CFAP46: variants seen among roughly 807,000 people sequenced by gnomAD.
The protein encoded by CFAP46 is cilia- and flagella-associated protein 46.
Under a neutral mutation model 325.7 loss-of-function variants are expected in CFAP46, and 245 were observed. The observed-to-expected ratio is 0.75, with a 90% CI of 0.68 to 0.84. CFAP46 has a LOEUF of 0.84. Among genes scored for constraint, CFAP46 ranks in the 40% least tolerant of loss-of-function variants. The pLI is 0.00. For missense variants in CFAP46, 3,346 were observed against 3,543.0 expected (o/e 0.94, Z 1.41); for synonymous variants, 1,523 against 1,495.9 (o/e 1.02, Z -0.42).
At chr10:132,854,224 A>C (rs1450025283) in intron 39 of CFAP46, among the ~76,000 whole-genome samples, 7 of 152,184 alleles carry the variant, frequency 4.6e-5, no homozygotes, top group Admixed American at 4.6e-4. Flanking sequence ...CTTCAGTTCA[A>C]AATACTTTCC....
chr10:132,872,700 C>G lies in CFAP46; in HGVS notation c.4487G>C (p.Gly1496Ala), dbSNP rs1298329559. 88 of 1,550,548 alleles carry G rather than the reference C, an allele frequency of 5.7e-5. 1 individual carries two copies. The East Asian group carries it at 2.1e-3, about 38-fold the overall frequency. ...CCGAAGGTGGTAGAGATCCGACAGG[C>G]CCTTGCTTCCCACCACGGAGTCCGA... ...LISDSVVGSK[G>A]LSDLYHLRLA... The change falls in exon 32 of 58, where the codon GGC becomes GCC. Residue 1496 changes from glycine (G) to alanine (A), a missense_variant. Gly to Ala is a moderately conservative substitution (Grantham distance 60). Transcript: ENST00000368586.
In CFAP46 at chr10:132,885,185, C is replaced by T. The variant is rs1045769186; in HGVS notation, c.3545G>A (p.Arg1182His). The change falls in exon 27 of 58, where the codon CGC (arginine) becomes CAC (histidine). Residue 1182 changes from arginine (R) to histidine (H), a missense_variant. Arg to His is a conservative substitution (Grantham distance 29). Coordinates refer to ENST00000368586, the MANE Select transcript of CFAP46 (RefSeq NM_001200049.3). ...GTTCAGGGCCAGGCGGTGCCACATGCGCGCCAAGTAGTCCTCACTCTCGGC... is the reference window on the plus strand; with the variant it reads ...GTTCAGGGCCAGGCGGTGCCACATGTGCGCCAAGTAGTCCTCACTCTCGGC... ...FKAESEDYLA[R>H]MWHRLALNSP... 17 of 1,550,378 alleles carry T rather than the reference C, an allele frequency of 1.1e-5. No homozygotes were observed. The highest frequency in any genetic ancestry group is 3.4e-4 in the Middle Eastern group (2 of 5,934).
intron 7 of CFAP46, among the ~76,000 whole-genome samples, chr10:132,935,653 GC>G (rs1849987902): frequency 8.2e-6 from 1 of 121,808 alleles, no homozygotes; most frequent in African/African-American, 3.4e-5. Flanking sequence ...ACTCCCCTCA[GC>G]ACCCAAACAC....
In CFAP46 at chr10:132,886,727, T is replaced by C. The variant is rs559364828; in HGVS notation, c.3305-768A>G. ...GCCACCTTCCGGCCAAGAGTCCTTTTACCTCAAGGATTCCAAGAGCCCCGG... is the reference window on the plus strand; with the variant it reads ...GCCACCTTCCGGCCAAGAGTCCTTTCACCTCAAGGATTCCAAGAGCCCCGG... On this transcript the variant is annotated intron_variant, in intron 25 of 57. Transcript: ENST00000368586. This position sits in a 1 kb window ranked among gnomAD's most constrained non-coding sequence, Gnocchi z 5.8. 2.0e-5 allele frequency among the ~76,000 whole-genome samples: 3 copies of C among 152,264 alleles called. No individual in the cohort carries two copies. The East Asian group carries it at 5.8e-4, about 29-fold the overall frequency.
chr10:132,938,848 CAGG>C, intron 4 of CFAP46, 95 bp from the exon 5 acceptor site: 1 of 1,198,944 alleles, frequency 8.3e-7, no homozygotes, highest in South Asian at 1.4e-5. Flanking sequence ...GAGCCCCTCC[CAGG>C]AGGGGCCTCA....
chr10:132,902,591 G>A (rs1426889001), intron 22 of CFAP46, among the ~76,000 whole-genome samples: 1 of 152,110 alleles, frequency 6.6e-6, no homozygotes, highest in Non-Finnish European at 1.5e-5. Flanking sequence ...CTCCTCATCT[G>A]CTCATGTCAA....
rs117761320 is a variant in CFAP46 at position 132,889,760 on chromosome 10, G to A, written c.3304+2573C>T. On this transcript the variant is annotated intron_variant, in intron 25 of 57. Coordinates refer to ENST00000368586, the MANE Select transcript of CFAP46 (RefSeq NM_001200049.3). This position sits in a 1 kb window ranked among gnomAD's most constrained non-coding sequence, Gnocchi z 6.0. ...AGGCCGTCAGCTCCATGGTGCCTCC[G>A]GGTGGGTGAGGGCCGTGGACTGTGC... 0.019 allele frequency among the ~76,000 whole-genome samples: 2,866 copies of A among 152,294 alleles called. 47 individuals are homozygous for A. Among genetic ancestry groups the A allele is most frequent in the Non-Finnish European group, 0.031 (2,085 of 68,016 alleles).
At position 132,828,850 on chromosome 10, in the gene CFAP46, C is replaced by T. The variant is rs1273097922; in HGVS notation, c.7117+4508G>A. 2.0e-5 allele frequency among the ~76,000 whole-genome samples: 3 copies of T among 152,104 alleles called. No homozygotes were observed. Among genetic ancestry groups the T allele is most frequent in the Non-Finnish European group, 2.9e-5 (2 of 68,034 alleles). The stretch of plus-strand genomic sequence containing the variant: ...ATGGAGATGCCCTTCCTCCGCTCAG[C>T]GTCCTCGTCCCTTTGCCAGCCACCA... On this transcript the variant is annotated intron_variant, in intron 50 of 57. Coordinates refer to ENST00000368586, the MANE Select transcript of CFAP46 (RefSeq NM_001200049.3). The surrounding 1 kb of genome is among the most constrained non-coding windows in gnomAD (Gnocchi z 4.9).
At chr10:132,822,155 CTGTGTGCTG>C (rs1591034051) in intron 50 of CFAP46, among the ~76,000 whole-genome samples, 1 of 113,830 alleles carries the variant, frequency 8.8e-6, no homozygotes, top group Non-Finnish European at 1.7e-5. Flanking sequence ...CTGATGTGTG[CTGTGTGCTG>C]TGTGTGCTGA....
chr10:132,922,931 G>A (rs1346668447), intron 11 of CFAP46, among the ~76,000 whole-genome samples: 1 of 152,230 alleles, frequency 6.6e-6, no homozygotes, highest in African/African-American at 2.4e-5. Context: ...CAGAGGCCTC[G>A]GCAGCTCACG....
At chr10:132,911,248 A>C (rs912246901) in intron 19 of CFAP46, among the ~76,000 whole-genome samples, 6 of 152,096 alleles carry the variant, frequency 3.9e-5, no homozygotes, top group Non-Finnish European at 7.4e-5. Flanking sequence ...GCCGGCCCAC[A>C]CTGACTGCCC....
chr10:132,846,278 G>A (rs1481342048), intron 43 of CFAP46, 51 bp from the exon 44 acceptor site: 28 of 1,581,788 alleles, frequency 1.8e-5, no homozygotes, highest in African/African-American at 2.7e-5. Flanking sequence ...TGGGCGGGGA[G>A]GCCTTGCACC....
rs550249230 is a variant in CFAP46 at position 132,810,820 on chromosome 10, T to G, written c.7583+130A>C. ...ACCTCGCCAACTGCTGGAACGCATG[T>G]GCACCCTGACAGCTCTCACCGTTCT... is the stretch of plus-strand genomic sequence containing the variant. On this transcript the variant is annotated intron_variant, in intron 56 of 57. Transcript: ENST00000368586. 25 of 865,122 alleles carry G rather than the reference T, an allele frequency of 2.9e-5. No homozygotes were observed. The Admixed American group carries it at 3.8e-4, about 13-fold the overall frequency. The allele number at this position is 865,122 out of a possible 1,614,324, so 53.6% of individuals were successfully genotyped here. A position where few individuals can be genotyped will look rare whatever the true frequency, so the allele number is the denominator to read the frequency against.
rs145581367 is a variant in CFAP46 at position 132,939,148 on chromosome 10, GAC to G, written c.372-397_372-396del. Among the ~76,000 whole-genome samples, 540 of 152,312 alleles carry G rather than the reference GAC, an allele frequency of 3.5e-3. 2 individuals carry two copies. Among genetic ancestry groups the G allele is most frequent in the Non-Finnish European group, 6.0e-3 (407 of 68,030 alleles). ...CAAGGGATAGACAAGAATGGGCAAG[GAC>G]AGAGGGAATCAAGGAAGGCTTCCTG... On this transcript the variant is annotated intron_variant, in intron 4 of 57. Coordinates refer to ENST00000368586, the MANE Select transcript of CFAP46 (RefSeq NM_001200049.3). The surrounding 1 kb of genome is among the most constrained non-coding windows in gnomAD (Gnocchi z 4.6).
chr10:132,872,699 G>C lies in CFAP46; in HGVS notation c.4488C>G (p.Gly1496=). ...LISDSVVGSK[G]LSDLYHLRLA... ...ACCGAAGGTGGTAGAGATCCGACAG[G>C]CCCTTGCTTCCCACCACGGAGTCCG... The change falls in exon 32 of 58, where the codon GGC becomes GGG. Residue 1496 remains glycine (G), a synonymous_variant. Coordinates refer to ENST00000368586, the MANE Select transcript of CFAP46 (RefSeq NM_001200049.3). 3 of 1,550,654 alleles carry C rather than the reference G, an allele frequency of 1.9e-6. No individual in the cohort carries two copies. The highest frequency in any genetic ancestry group is 2.4e-5 in the South Asian group (2 of 84,064).
Position 132,876,856 on chromosome 10 carries a change from C to A in CFAP46, c.4318G>T (p.Asp1440Tyr). The change falls in exon 31 of 58, where the codon GAC becomes TAC. Residue 1440 changes from aspartate (D) to tyrosine (Y), a missense_variant. By Grantham distance (160) the Asp-to-Tyr change is radical. Transcript: ENST00000368586. This position sits in a 1 kb window ranked among gnomAD's most constrained non-coding sequence, Gnocchi z 4.1. ...GGGTTCACAGTAGAGTCACTTCTGT[C>A]CTGTTTCAGTACAGACAGCACTTCC... The part of the protein sequence containing the change: ...PEEVLSVLKQ[D>Y]RSDSTVNPSS... 2 of 1,550,374 alleles carry A rather than the reference C, an allele frequency of 1.3e-6. No individual in the cohort carries two copies. The highest frequency in any genetic ancestry group is 1.7e-6 in the Non-Finnish European group (2 of 1,146,930).
At chr10:132,855,159 C>G (rs1306864036) in intron 39 of CFAP46, among the ~76,000 whole-genome samples, 1 of 78,902 alleles carries the variant, frequency 1.3e-5, no homozygotes, top group African/African-American at 8.2e-5. Flanking sequence ...TCTATTTCTC[C>G]GTTGCAATTT....
chr10:132,880,522 G>A (rs1279059290), intron 28 of CFAP46, among the ~76,000 whole-genome samples: 1 of 152,226 alleles, frequency 6.6e-6, no homozygotes, highest in Non-Finnish European at 1.5e-5. Flanking sequence ...TCCTGAGGAA[G>A]GCTGCCTCTG....
rs868441598 is a variant in CFAP46, at chr10:132,919,790, C to T, written c.1730+269G>A. 2.0e-5 allele frequency among the ~76,000 whole-genome samples: 3 copies of T among 152,098 alleles called. No homozygotes were observed. The highest frequency in any genetic ancestry group is 1.9e-4 in the East Asian group (1 of 5,168). On this transcript the variant is annotated intron_variant, in intron 14 of 57. Transcript: ENST00000368586. The surrounding 1 kb of genome is among the most constrained non-coding windows in gnomAD (Gnocchi z 9.7). ...AAAATCAGCCTGCTCTGGTCACAGG[C>T]GCTGCGTGTCCTCCGAGTGACAGCA...
Sources: gnomAD v4.1 joint callset for allele counts (sites outside exome capture counted in the v4.1 genomes callset) on GRCh38, gnomAD v4.1.1 for gene constraint, Gnocchi (gnomAD v3.1) non-coding constraint, MANE v1.5 for transcripts, NCBI Gene and HGNC (gene_info 2026-07-23, HGNC 2026-07-21) for gene names.